Variants in CSRNP3 observed in about 807,000 individuals in gnomAD.
CSRNP3 encodes cysteine and serine rich nuclear protein 3, also known as cysteine/serine-rich nuclear protein 3.
In CSRNP3, 12 loss-of-function variants were observed where a neutral mutation model predicts 48.0. The observed-to-expected ratio is 0.25, with a 90% CI of 0.16 to 0.41. The LOEUF (loss-of-function observed/expected upper bound fraction) is 0.41, where lower values mean the gene tolerates loss of function less well. Ranked by LOEUF, CSRNP3 falls within the 10% of genes least tolerant of loss-of-function variation. CSRNP3 has a pLI of 1.00. For synonymous variants in CSRNP3, 263 were observed against 269.7 expected, an observed-to-expected ratio of 0.98 and a Z score of 0.24; for missense variants, 580 against 724.4, an observed-to-expected ratio of 0.80 and a Z score of 2.29.
At chr2:165,580,333 T>C (rs773764202) in intron 3 of CSRNP3, among the ~76,000 whole-genome samples, 1 of 152,196 alleles carries the variant, frequency 6.6e-6, no homozygotes, top group Non-Finnish European at 1.5e-5. Context: ...GTCCAGGTAA[T>C]TTTACACTAT....
At chr2:165,561,741 C>T (rs73029834) in intron 3 of CSRNP3, among the ~76,000 whole-genome samples, 2,720 of 152,078 alleles carry the variant, frequency 0.018, 85 homozygotes, top group African/African-American at 0.061. Flanking sequence ...TTCTCTTAAA[C>T]GGAAAGAATA....
At chr2:165,519,410 T>C (rs1230778171) in intron 3 of CSRNP3, among the ~76,000 whole-genome samples, 4 of 152,102 alleles carry the variant, frequency 2.6e-5, no homozygotes, top group Non-Finnish European at 2.9e-5. Flanking sequence ...CATATGCAAA[T>C]AGTAGGTAGG....
At chr2:165,616,321 C>T (rs1432845237) in intron 4 of CSRNP3, among the ~76,000 whole-genome samples, 1 of 151,804 alleles carries the variant, frequency 6.6e-6, no homozygotes, top group Non-Finnish European at 1.5e-5. Context: ...TAATTTGTTT[C>T]TCATTTGTTT....
At position 165,577,259 on chromosome 2, in the gene CSRNP3, A is replaced by ACAAT. The variant is rs1397352187; in HGVS notation, c.-23-17781_-23-17780insTCAA. On this transcript the variant is annotated intron_variant, in intron 3 of 6. Transcript: ENST00000651982. ...TTTTAATATAATATTTTAAAAGAAA[A>ACAAT]CAAAACAATTGTCTTTTTATTGCCT... 2.9e-4 allele frequency among the ~76,000 whole-genome samples: 44 copies of ACAAT among 152,004 alleles called. 1 individual carries two copies. The highest frequency in any genetic ancestry group is 1.0e-3 in the African/African-American group (42 of 41,546).
chr2:165,599,224 C>G (rs528724374), intron 4 of CSRNP3, among the ~76,000 whole-genome samples: 1 of 133,376 alleles, frequency 7.5e-6, no homozygotes, highest in Non-Finnish European at 1.6e-5. Flanking sequence ...GACCCTGTCT[C>G]AAAGCAAAAC....
Position 165,682,161 on chromosome 2 carries a change from C to G in CSRNP3, c.*2408C>G, listed in dbSNP as rs975769505. ...GAAAAGAGATATTTTAATTTTAGTT[C>G]AGCTTTATTTTCCTAAGACGATATG... On this transcript the variant is annotated 3_prime_UTR_variant, in exon 7 of 7. Coordinates refer to ENST00000651982, the MANE Select transcript of CSRNP3 (RefSeq NM_001172173.2). The G allele has an allele frequency of 6.6e-6, 1 of 151,934 alleles. No homozygotes were observed. The highest frequency in any genetic ancestry group is 1.5e-5 in the Non-Finnish European group (1 of 67,980). The allele number at this position is 151,934 out of a possible 1,614,324, so 9.4% of individuals were successfully genotyped here. A position where few individuals can be genotyped will look rare whatever the true frequency, so the allele number is the denominator to read the frequency against.
intron 1 of CSRNP3, among the ~76,000 whole-genome samples, chr2:165,474,360 C>T (rs898317219): frequency 6.6e-6 from 1 of 152,140 alleles, no homozygotes; most frequent in Non-Finnish European, 1.5e-5. Flanking sequence ...CTGCTGCAGC[C>T]TCCCAAGTGG....
rs73969289 is a variant in CSRNP3, at chr2:165,526,875, T to C, written c.-24+8914T>C. On this transcript the variant is annotated intron_variant, in intron 3 of 6. Transcript: ENST00000651982. The stretch of plus-strand genomic sequence containing the variant: ...GAAGACTGTTTGTCATTATGTATCA[T>C]AAATCTTAAAAGTCTGCATGCTCTC... 8.3e-3 allele frequency among the ~76,000 whole-genome samples: 1,263 copies of C among 152,274 alleles called. 16 individuals carry two copies. Among genetic ancestry groups the C allele is most frequent in the African/African-American group, 0.029 (1,206 of 41,558 alleles).
intron 3 of CSRNP3, among the ~76,000 whole-genome samples, chr2:165,559,234 A>G (rs1685200022): frequency 6.6e-6 from 1 of 152,222 alleles, no homozygotes; most frequent in South Asian, 2.1e-4. Flanking sequence ...ACTTTTGTTA[A>G]TAAATCTCTC....
chr2:165,604,756 T>C (rs75519585), intron 4 of CSRNP3, among the ~76,000 whole-genome samples: 2,944 of 152,254 alleles, frequency 0.019, 88 homozygotes, highest in African/African-American at 0.065. Flanking sequence ...ATCCTTTGAA[T>C]TGGCTAGGAA....
intron 4 of CSRNP3, among the ~76,000 whole-genome samples, chr2:165,603,021 G>A (rs965897179): frequency 1.3e-5 from 2 of 152,164 alleles, no homozygotes; most frequent in South Asian, 2.1e-4. Context: ...TCAGCCTCAT[G>A]AGTAGCTGGG....
intron 3 of CSRNP3, among the ~76,000 whole-genome samples, chr2:165,536,886 C>T (rs529042085): frequency 2.8e-4 from 43 of 151,914 alleles, no homozygotes; most frequent in African/African-American, 9.2e-4. Context: ...TATGGATTAA[C>T]ATTAATTAAT....
intron 2 of CSRNP3, among the ~76,000 whole-genome samples, chr2:165,501,347 T>C (rs760174715): frequency 1.9e-4 from 29 of 152,154 alleles, no homozygotes; most frequent in Non-Finnish European, 1.3e-4. Flanking sequence ...GATAAACAAA[T>C]GTTTCATTGA....
At chr2:165,632,876 C>T (rs1031642904) in intron 4 of CSRNP3, among the ~76,000 whole-genome samples, 4 of 152,104 alleles carry the variant, frequency 2.6e-5, no homozygotes, top group Non-Finnish European at 2.9e-5. Flanking sequence ...AGTAGAAATC[C>T]GTTATATCAT....
chr2:165,656,365 ATTCT>A (rs1687004273), intron 4 of CSRNP3, among the ~76,000 whole-genome samples: 1 of 152,138 alleles, frequency 6.6e-6, no homozygotes, highest in Non-Finnish European at 1.5e-5. Context: ...CATCTCCTGG[ATTCT>A]CCGTGCATCT....
chr2:165,524,285 G>T (rs571022019), intron 3 of CSRNP3, among the ~76,000 whole-genome samples: 2 of 151,790 alleles, frequency 1.3e-5, no homozygotes, highest in South Asian at 4.2e-4. Flanking sequence ...ACTACTTGGG[G>T]GAAAATAAGG....
chr2:165,678,967 G>A lies in CSRNP3; in HGVS notation c.972G>A (p.Gln324=). The change falls in exon 7 of 7, where the codon CAG becomes CAA. Residue 324 remains glutamine, a synonymous_variant. Transcript: ENST00000651982. ...ADSFEIETEP[Q]AAVLHLQSAE... ...GTTTTGAGATTGAAACTGAGCCCCA[G>A]GCTGCAGTGCTGCACCTGCAGTCGG... 6.2e-7 allele frequency: 1 copy of A among 1,614,018 alleles called. No homozygotes were observed. Among genetic ancestry groups the A allele is most frequent in the African/African-American group, 1.3e-5 (1 of 74,996 alleles).
At chr2:165,483,923 T>C (rs1294710607) in intron 1 of CSRNP3, among the ~76,000 whole-genome samples, 3 of 151,572 alleles carry the variant, frequency 2.0e-5, no homozygotes. Flanking sequence ...TGAATAAATA[T>C]TCAGACCATA....
At chr2:165,477,201 TA>T (rs1444194709) in intron 1 of CSRNP3, among the ~76,000 whole-genome samples, 2 of 152,098 alleles carry the variant, frequency 1.3e-5, no homozygotes, top group South Asian at 2.1e-4. Context: ...GAAGATTTCA[TA>T]AAAAATATTC....
Sources: gnomAD v4.1 joint callset for allele counts (sites outside exome capture counted in the v4.1 genomes callset) on GRCh38, gnomAD v4.1.1 for gene constraint, MANE v1.5 for transcripts, NCBI Gene and HGNC (gene_info 2026-07-23, HGNC 2026-07-21) for gene names.